The following NELFA variants were observed in gnomAD, a reference collection of about 807,000 sequenced individuals.
The protein encoded by NELFA is negative elongation factor A.
In NELFA, 35 loss-of-function variants were observed where a neutral mutation model predicts 51.8. The observed-to-expected ratio is 0.68, with a 90% CI of 0.52 to 0.90. The LOEUF is 0.90. Ranked by LOEUF, NELFA falls within the 40% of genes least tolerant of loss-of-function variation. NELFA has a pLI of 0.00. For synonymous variants in NELFA, 417 were observed against 338.4 expected (o/e 1.23, Z -2.55); for missense variants, 658 against 746.4 (o/e 0.88, Z 1.38).
chr4:1,989,897 G>A lies in NELFA; in HGVS notation c.383-28C>T. The A allele has an allele frequency of 1.2e-6, 2 of 1,604,252 alleles. No individual in the cohort carries two copies. The highest frequency in any genetic ancestry group is 2.2e-5 in the East Asian group (1 of 44,768). ...GCCGGTAAGAACCACATGAAGTTAG[G>A]GGCGCCCAGGCCGCAGACCTCCCGG... On this transcript the variant is annotated intron_variant, in intron 2 of 10. Transcript: ENST00000382882. The surrounding 1 kb of genome is among the most constrained non-coding windows in gnomAD (Gnocchi z 4.8).
Position 1,989,782 on chromosome 4 carries a change from G to A in NELFA, c.470C>T (p.Thr157Ile). The A allele has an allele frequency of 6.2e-7, 1 of 1,614,222 alleles. No individual in the cohort carries two copies. The highest frequency in any genetic ancestry group is 8.5e-7 in the Non-Finnish European group (1 of 1,180,044). The part of the protein sequence containing the change: ...NALTTLAGPL[T>I]PPVKHFQLKR... ...TAACTGAAAATGCTTCACCGGGGGAGTGAGGGGTCCCGCGAGGGTCGTCAG... is the reference window on the plus strand; with the variant it reads ...TAACTGAAAATGCTTCACCGGGGGAATGAGGGGTCCCGCGAGGGTCGTCAG... Residue 157 changes from threonine to isoleucine, a missense_variant, in exon 3 of 11, where the codon ACT becomes ATT. By Grantham distance (89) the Thr-to-Ile change is moderately conservative. Around this residue, in one of 3 missense-constraint regions of NELFA, gnomAD observed 371 missense variants for 448.3 expected, o/e 0.83. Coordinates refer to ENST00000382882, the MANE Select transcript of NELFA (RefSeq NM_005663.5). The surrounding 1 kb of genome is among the most constrained non-coding windows in gnomAD (Gnocchi z 4.8).
chr4:1,984,207 T>C (rs569451267), intron 8 of NELFA, 94 bp from the exon 9 acceptor site: 8 of 1,368,762 alleles, frequency 5.8e-6, no homozygotes, highest in Admixed American at 5.9e-5. Context: ...GCTCCCCTTC[T>C]CTGTCCTGCT....
intron 2 of NELFA, 55 bp downstream of exon 2, chr4:1,991,489 T>C (rs758814238): frequency 3.2e-5 from 50 of 1,583,630 alleles, no homozygotes; most frequent in Non-Finnish European, 3.9e-5. Flanking sequence ...AAAAAAATTT[T>C]TCAAGAAAGA....
In NELFA at chr4:1,989,826, C is replaced by A; in HGVS notation, c.426G>T (p.Gln142His). 1 of 1,614,164 alleles carries A rather than the reference C, an allele frequency of 6.2e-7. No homozygotes were observed. Among genetic ancestry groups the A allele is most frequent in the South Asian group, 1.1e-5 (1 of 91,084 alleles). Residue 142 changes from glutamine to histidine, a missense_variant, in exon 3 of 11, where the codon CAG becomes CAT. This residue lies in a region of NELFA where 371 missense variants were observed against 448.3 expected (regional missense o/e 0.83). Coordinates refer to ENST00000382882, the MANE Select transcript of NELFA (RefSeq NM_005663.5). This position sits in a 1 kb window ranked among gnomAD's most constrained non-coding sequence, Gnocchi z 4.8. ...TCGTCAGGGCGTTTTTGTTCAAGTA[C>A]TGGCACTCCAGTGGCAGCATGGCAG... is the stretch of plus-strand genomic sequence containing the variant. ...EASAMLPLEC[Q>H]YLNKNALTTL...
In NELFA at chr4:1,989,655, C is replaced by G. The variant is rs1728214248; in HGVS notation, c.544+53G>C. On this transcript the variant is annotated intron_variant, in intron 3 of 10. Transcript: ENST00000382882. This position sits in a 1 kb window ranked among gnomAD's most constrained non-coding sequence, Gnocchi z 4.8. ...TCTTGGTACCTTAGAACCTAAGAAA[C>G]CTATGACTGGAAACTACAAAGACAA... The G allele has an allele frequency of 6.4e-7, 1 of 1,572,716 alleles. No homozygotes were observed. Among genetic ancestry groups the G allele is most frequent in the Admixed American group, 1.8e-5 (1 of 55,542 alleles).
chr4:2,000,459 T>A (rs1728540516), intron 1 of NELFA, among the ~76,000 whole-genome samples: 1 of 151,890 alleles, frequency 6.6e-6, no homozygotes, highest in African/African-American at 2.4e-5. Context: ...ATGATAATAA[T>A]AAAGATGCTA....
rs954280501 is a variant in NELFA at position 1,985,951 on chromosome 4, C to T, written c.836-87G>A. 4 of 1,365,042 alleles carry T rather than the reference C, an allele frequency of 2.9e-6. No homozygotes were observed. In the South Asian group the frequency reaches 5.4e-5, roughly 18 times the overall value. The allele number at this position is 1,365,042 out of a possible 1,614,324, so 84.6% of individuals were successfully genotyped here. A position where few individuals can be genotyped will look rare whatever the true frequency, so the allele number is the denominator to read the frequency against. On this transcript the variant is annotated intron_variant, in intron 6 of 10. Coordinates refer to ENST00000382882, the MANE Select transcript of NELFA (RefSeq NM_005663.5). ...AGCGGCAGGGAATCAAACAGCTTCC[C>T]AGGGGAGGCCACCAAGGAGCGAGGA... is the stretch of plus-strand genomic sequence containing the variant.
intron 1 of NELFA, among the ~76,000 whole-genome samples, chr4:2,006,398 G>C (rs766738126): frequency 1.6e-4 from 24 of 152,130 alleles, no homozygotes; most frequent in Non-Finnish European, 2.8e-4. Flanking sequence ...CCCTCGGGGA[G>C]ACACAATAGG....
At chr4:2,005,818 G>A (rs1728695830) in intron 1 of NELFA, among the ~76,000 whole-genome samples, 1 of 152,080 alleles carries the variant, frequency 6.6e-6, no homozygotes, top group South Asian at 2.1e-4. Flanking sequence ...TGAAATAGGT[G>A]GTAATATATG....
chr4:1,985,781 T>G lies in NELFA; in HGVS notation c.919A>C (p.Thr307Pro). ...GGTGCAGCCCCGAGCCCTACCTGCG[T>G]GGACACCAGGCCGGCTGCGTAGTCC... ...TPDYAAGLVS[T>P]QKLGSLNNEP... The change falls in exon 7 of 11, where the codon ACG becomes CCG. Residue 307 changes from threonine (T) to proline (P), a missense_variant. Around this residue, in one of 3 missense-constraint regions of NELFA, gnomAD observed 371 missense variants for 448.3 expected, o/e 0.83. Coordinates refer to ENST00000382882, the MANE Select transcript of NELFA (RefSeq NM_005663.5). 1 of 1,613,002 alleles carries G rather than the reference T, an allele frequency of 6.2e-7. No individual in the cohort carries two copies. The highest frequency in any genetic ancestry group is 8.5e-7 in the Non-Finnish European group (1 of 1,179,670).
In NELFA at chr4:1,987,997, G is replaced by A. The variant is rs536359664; in HGVS notation, c.555C>T (p.Thr185=). The change falls in exon 4 of 11, where the codon ACC becomes ACT. Residue 185 remains threonine, a synonymous_variant. Transcript: ENST00000382882. ...RAELLQKSTE[T]AQQLKRSAGV... is the part of the protein sequence containing the mutation. ...CGGCGCTCCGCTTCAACTGCTGGGC[G>A]GTCTCCGTGGCTGGAAGGAAGAGGT... 1.8e-5 allele frequency: 29 copies of A among 1,610,444 alleles called. No individual in the cohort carries two copies. Among genetic ancestry groups the A allele is most frequent in the Non-Finnish European group, 2.3e-5 (27 of 1,179,670 alleles).
rs761496202 is a variant in NELFA at position 2,008,823 on chromosome 4, T to C, written c.137A>G (p.His46Arg). The C allele has an allele frequency of 1.9e-6, 3 of 1,610,816 alleles. No homozygotes were observed. The South Asian group carries it at 3.3e-5, about 18-fold the overall frequency. ...AVIDNIRLCF[H>R]GLSSAVKLKL... ...GAGCTTCACTGCCGACGAGAGGCCA[T>C]GGAAGCAGAGACGGATGTTGTCGAT... is the stretch of plus-strand genomic sequence containing the variant. The change falls in exon 1 of 11, where the codon CAT becomes CGT. Residue 46 changes from histidine to arginine, a missense_variant. By Grantham distance (29) the His-to-Arg change is conservative. Transcript: ENST00000382882.
intron 1 of NELFA, among the ~76,000 whole-genome samples, chr4:1,992,956 C>T (rs573823421): frequency 6.6e-6 from 1 of 152,284 alleles, no homozygotes; most frequent in African/African-American, 2.4e-5. Flanking sequence ...GCTGACCCTG[C>T]GCCCCGGGCC....
At chr4:2,002,378 C>G (rs1217861826) in intron 1 of NELFA, among the ~76,000 whole-genome samples, 1 of 152,150 alleles carries the variant, frequency 6.6e-6, no homozygotes, top group African/African-American at 2.4e-5. Flanking sequence ...TTAGAAAAAA[C>G]TATTTTAAAT....
chr4:1,985,244 C>T (rs1728048528), intron 7 of NELFA, among the ~76,000 whole-genome samples: 1 of 152,224 alleles, frequency 6.6e-6, no homozygotes, highest in African/African-American at 2.4e-5. Context: ...TGTTAAGAAA[C>T]ACAGAACACG....
chr4:2,008,301 G>A (rs1728766964), intron 1 of NELFA, among the ~76,000 whole-genome samples: 1 of 151,692 alleles, frequency 6.6e-6, no homozygotes, highest in African/African-American at 2.4e-5. Context: ...GGGGCGGGTG[G>A]GGATGAGTAC....
At chr4:1,986,536 C>A (rs1728106012) in intron 4 of NELFA, 134 bp from the exon 5 acceptor site, 1 of 1,385,226 alleles carries the variant, frequency 7.2e-7, no homozygotes, top group Non-Finnish European at 9.8e-7. Context: ...GGGCAGCGGG[C>A]AGGACCCCCA....
chr4:1,993,235 C>T (rs1560872266), intron 1 of NELFA, among the ~76,000 whole-genome samples: 1 of 152,318 alleles, frequency 6.6e-6, no homozygotes, highest in Non-Finnish European at 1.5e-5. Flanking sequence ...TGTTTTCTCT[C>T]CAGAACGCGC....
chr4:1,985,832 C>T lies in NELFA; in HGVS notation c.868G>A (p.Glu290Lys). ...AEVVEKPAKE[E>K]TVVENATPDY... ...GGGGTGGCGTTCTCCACCACCGTTT[C>T]CTCCTTGGCCGGCTTCTCCACCACC... Residue 290 changes from glutamate (E) to lysine (K), a missense_variant, in exon 7 of 11, where the codon GAA becomes AAA. Around this residue, in one of 3 missense-constraint regions of NELFA, gnomAD observed 371 missense variants for 448.3 expected, o/e 0.83. Transcript: ENST00000382882. The T allele has an allele frequency of 6.2e-7, 1 of 1,613,372 alleles. No individual in the cohort carries two copies. The highest frequency in any genetic ancestry group is 8.5e-7 in the Non-Finnish European group (1 of 1,179,794).
Sources: allele counts gnomAD v4.1 joint callset (sites outside exome capture counted in the v4.1 genomes callset), GRCh38; gene constraint gnomAD v4.1.1; regional missense constraint gnomAD v4.1.1; non-coding constraint Gnocchi (gnomAD v3.1); transcripts MANE v1.5; gene names NCBI Gene and HGNC (gene_info 2026-07-23, HGNC 2026-07-21).